The following DCP2 variants were observed in gnomAD, a reference collection of about 807,000 sequenced individuals.
The protein encoded by DCP2 is decapping mRNA 2.
In DCP2, 30 loss-of-function variants were observed where a neutral mutation model predicts 56.1. The observed-to-expected ratio is 0.53, with a 90% confidence interval of 0.40 to 0.73. The LOEUF (loss-of-function observed/expected upper bound fraction) is 0.73. Among genes scored for constraint, DCP2 ranks in the 30% least tolerant of loss-of-function variants. DCP2 has a pLI of 0.00. For missense variants in DCP2, 533 were observed against 502.7 expected (o/e 1.06, Z -0.58); for synonymous variants, 197 against 163.3 (o/e 1.21, Z -1.57).
chr5:112,988,199 A>G (rs770115397), intron 2 of DCP2, among the ~76,000 whole-genome samples: 5 of 151,862 alleles, frequency 3.3e-5, no homozygotes, highest in African/African-American at 4.8e-5. Context: ...AACGGTATCC[A>G]AGGCCGGGTG....
rs146994496 is a variant in DCP2 at position 113,007,053 on chromosome 5, G to A, written c.943-885G>A. Among the ~76,000 whole-genome samples, 794 of 152,072 alleles carry A rather than the reference G, an allele frequency of 5.2e-3. 3 individuals carry two copies. The highest frequency in any genetic ancestry group is 6.8e-3 in the Middle Eastern group (2 of 292). ...CTTGGGAGGCTGAGGCAGGAGAATC[G>A]CTTGAACTTGGGAGGTGGAGGTTGC... On this transcript the variant is annotated intron_variant, in intron 8 of 10. Coordinates refer to ENST00000389063, the MANE Select transcript of DCP2 (RefSeq NM_152624.6).
At chr5:112,984,703 A>ATATATATATATATAT (rs1554098980) in intron 1 of DCP2, 31 of 64,852 alleles carry the variant, frequency 4.8e-4, no homozygotes, top group African/African-American at 1.7e-3. Flanking sequence ...AAAAAAAAAA[A>ATATATATATATATAT]ATATATATAT....
intron 4 of DCP2, among the ~76,000 whole-genome samples, chr5:113,000,057 A>G (rs763252245): frequency 4.1e-4 from 35 of 85,238 alleles, no homozygotes; most frequent in Non-Finnish European, 8.3e-4. Context: ...GCGAAACTCC[A>G]TCTCAAAAAA....
intron 7 of DCP2, among the ~76,000 whole-genome samples, chr5:113,002,212 C>G (rs994399813): frequency 2.0e-5 from 3 of 152,132 alleles, no homozygotes; most frequent in Non-Finnish European, 2.9e-5. Context: ...CACCTGAGAT[C>G]ATGAGTTCAA....
chr5:112,988,208 T>C (rs533845567), intron 2 of DCP2, among the ~76,000 whole-genome samples: 93 of 151,178 alleles, frequency 6.2e-4, no homozygotes, highest in South Asian at 5.7e-3. Flanking sequence ...CAAGGCCGGG[T>C]GCGGTGGCTC....
intron 2 of DCP2, among the ~76,000 whole-genome samples, chr5:112,989,855 G>C (rs1346363192): frequency 6.6e-6 from 1 of 152,160 alleles, no homozygotes; most frequent in Non-Finnish European, 1.5e-5. Context: ...ATTTACTAGA[G>C]AGAGAAAACC....
chr5:112,989,660 G>T (rs1416000915), intron 2 of DCP2, among the ~76,000 whole-genome samples: 1 of 152,104 alleles, frequency 6.6e-6, no homozygotes, highest in Non-Finnish European at 1.5e-5. Context: ...TTCGGAGATG[G>T]CCAAAGAACA....
intron 1 of DCP2, among the ~76,000 whole-genome samples, chr5:112,981,196 AGAG>A (rs1192499817): frequency 2.0e-5 from 3 of 151,922 alleles, no homozygotes; most frequent in Non-Finnish European, 4.4e-5. Context: ...TTTTTTTGGT[AGAG>A]ATGGGATCTT....
chr5:113,001,787 CTT>C, intron 7 of DCP2, 113 bp downstream of exon 7: 2 of 926,234 alleles, frequency 2.2e-6, no homozygotes, highest in Non-Finnish European at 3.4e-6. Flanking sequence ...TATAGATACT[CTT>C]TGTTACTGGT....
intron 4 of DCP2, among the ~76,000 whole-genome samples, chr5:112,995,249 G>T (rs571097004): frequency 1.3e-5 from 2 of 152,334 alleles, no homozygotes; most frequent in Non-Finnish European, 1.5e-5. Context: ...ATTGGAAGCA[G>T]TTTGGTGAGA....
intron 2 of DCP2, among the ~76,000 whole-genome samples, chr5:112,987,704 C>T (rs886146558): frequency 4.8e-5 from 7 of 146,332 alleles, no homozygotes; most frequent in Admixed American, 2.1e-4. Flanking sequence ...AAACTCCTGC[C>T]GTCAAGTGAT....
intron 10 of DCP2, among the ~76,000 whole-genome samples, chr5:113,012,706 C>G (rs528173693): frequency 2.6e-5 from 4 of 152,076 alleles, no homozygotes; most frequent in Non-Finnish European, 5.9e-5. Flanking sequence ...TGCAACAGCA[C>G]GATCTCAGCT....
At chr5:113,011,676 T>C (rs1749686033) in intron 10 of DCP2, among the ~76,000 whole-genome samples, 2 of 152,234 alleles carry the variant, frequency 1.3e-5, no homozygotes, top group Non-Finnish European at 2.9e-5. Context: ...TACTGTTAAC[T>C]GTGAAGAAAG....
chr5:112,987,859 G>A (rs1748374395), intron 2 of DCP2, among the ~76,000 whole-genome samples: 1 of 151,562 alleles, frequency 6.6e-6, no homozygotes, highest in Admixed American at 6.6e-5. Flanking sequence ...TTGAATTTCT[G>A]GGCTTAAGCA....
In DCP2 at chr5:113,003,922, T is replaced by A; in HGVS notation, c.807-20T>A. On this transcript the variant is annotated intron_variant, in intron 7 of 10. Transcript: ENST00000389063. The stretch of plus-strand genomic sequence containing the variant: ...AAGTGAACATTTTCTGATTTGATTA[T>A]TTTTTAAATCTTGGTGTAGTCGAAC... 2 of 1,613,526 alleles carry A rather than the reference T, an allele frequency of 1.2e-6. No individual in the cohort carries two copies. Among genetic ancestry groups the A allele is most frequent in the South Asian group, 2.2e-5 (2 of 91,024 alleles).
rs543360946 is a variant in DCP2 at position 112,993,616 on chromosome 5, C to G, written c.432+846C>G. Among the ~76,000 whole-genome samples the G allele has an allele frequency of 1.8e-3, 243 of 132,346 alleles. 1 individual carries two copies. Among genetic ancestry groups the G allele is most frequent in the African/African-American group, 6.4e-3 (230 of 35,696 alleles). 86.8% of individuals were successfully genotyped at this position (132,346 alleles called of 152,430 possible). A position where few individuals can be genotyped will look rare whatever the true frequency, so the allele number is the denominator to read the frequency against. On this transcript the variant is annotated intron_variant, in intron 4 of 10. Coordinates refer to ENST00000389063, the MANE Select transcript of DCP2 (RefSeq NM_152624.6). ...TCTAGCCTGGGCAACAAGAGTGAAA[C>G]ACTATCTCAAAAAAAAAAAAAAACC...
intron 8 of DCP2, among the ~76,000 whole-genome samples, chr5:113,004,293 C>G (rs1749313072): frequency 6.6e-6 from 1 of 152,134 alleles, no homozygotes; most frequent in Admixed American, 6.5e-5. Context: ...TAGCATCTGA[C>G]TTTTGTGTAT....
chr5:113,002,904 A>C (rs1038749103), intron 7 of DCP2, among the ~76,000 whole-genome samples: 2 of 152,212 alleles, frequency 1.3e-5, no homozygotes, highest in African/African-American at 4.8e-5. Flanking sequence ...TTGTATTTTT[A>C]AACATAATAT....
At chr5:112,977,661 G>C (rs908498527) in intron 1 of DCP2, among the ~76,000 whole-genome samples, 2 of 152,092 alleles carry the variant, frequency 1.3e-5, no homozygotes, top group Non-Finnish European at 2.9e-5. Flanking sequence ...TTAACTCAGG[G>C]TGTATACTTC....
Sources: allele counts gnomAD v4.1 joint callset (sites outside exome capture counted in the v4.1 genomes callset), GRCh38; gene constraint gnomAD v4.1.1; transcripts MANE v1.5; gene names NCBI Gene and HGNC (gene_info 2026-07-23, HGNC 2026-07-21).